Variants in LRRC37A2 observed in about 807,000 individuals in gnomAD.
The protein encoded by LRRC37A2 is leucine rich repeat containing 37 member A2.
Under a neutral mutation model 68.8 loss-of-function variants are expected in LRRC37A2, and 9 were observed. That is an observed-to-expected ratio of 0.13 (90% CI 0.08 to 0.23). The LOEUF (loss-of-function observed/expected upper bound fraction) is 0.23, where lower values mean the gene tolerates loss of function less well. LRRC37A2 is among the 10% of genes least tolerant of loss of function. LRRC37A2 has a pLI of 1.00. For missense variants in LRRC37A2, 168 were observed against 950.4 expected (o/e 0.18, Z 10.82); for synonymous variants, 63 against 367.6 (o/e 0.17, Z 9.48).
chr17:46,790,095 C>T, the LRRC37A2 span, among the ~76,000 whole-genome samples: 4 of 152,262 alleles, frequency 2.6e-5, no homozygotes, highest in African/African-American at 7.2e-5. Flanking sequence ...CATCCCCAGG[C>T]GAGGCAGTCC....
At chr17:47,008,737 C>T in the LRRC37A2 span, among the ~76,000 whole-genome samples, 1 of 152,054 alleles carries the variant, frequency 6.6e-6, no homozygotes, top group Non-Finnish European at 1.5e-5. Context: ...CTTGGCCTCC[C>T]AAAGTGCTGG....
the LRRC37A2 span, among the ~76,000 whole-genome samples, chr17:46,992,219 T>TAAATAAATAAATAAATAAA: frequency 1.3e-4 from 19 of 151,522 alleles, no homozygotes; most frequent in Non-Finnish European, 2.4e-4. Flanking sequence ...AATAAATAAA[T>TAAATAAATAAATAAATAAA]TAGCCAGGTG....
chr17:46,941,257 C>T, the LRRC37A2 span: 4 of 987,650 alleles, frequency 4.1e-6, no homozygotes, highest in African/African-American at 5.2e-5. Context: ...TCTGTACACC[C>T]TTTGCCCTGA....
the LRRC37A2 span, among the ~76,000 whole-genome samples, chr17:46,994,824 CA>C: frequency 0.7 from 106,273 of 151,680 alleles, 37,815 homozygotes; most frequent in Middle Eastern, 0.78. Context: ...CAAAACAAAA[CA>C]AAAAAAACAC....
chr17:46,868,917 C>T, the LRRC37A2 span, among the ~76,000 whole-genome samples: 2 of 152,156 alleles, frequency 1.3e-5, no homozygotes, highest in South Asian at 4.1e-4. Flanking sequence ...GAGCATGTGT[C>T]GGATAATTCA....
the LRRC37A2 span, among the ~76,000 whole-genome samples, chr17:46,871,578 A>G: frequency 6.6e-5 from 10 of 152,198 alleles, no homozygotes; most frequent in Non-Finnish European, 1.2e-4. Flanking sequence ...TGCTTGTCCC[A>G]GGCACTGTGG....
At chr17:47,019,457 A>C in the LRRC37A2 span, 564 of 1,605,574 alleles carry the variant, frequency 3.5e-4, 29 homozygotes, top group African/African-American at 6.1e-3. Context: ...GGCTTGCCAT[A>C]ACTCCAGAGC....
the LRRC37A2 span, among the ~76,000 whole-genome samples, chr17:46,896,434 GAA>G: frequency 1.9e-5 from 2 of 103,910 alleles, no homozygotes; most frequent in African/African-American, 7.6e-5. Context: ...AAGAAAGAAA[GAA>G]AGAAAGAAAG....
the LRRC37A2 span, among the ~76,000 whole-genome samples, chr17:46,771,598 G>C: frequency 6.8e-6 from 1 of 147,616 alleles, no homozygotes; most frequent in Non-Finnish European, 1.5e-5. Flanking sequence ...ATCCGCCTTT[G>C]TTCGCGCGGT....
At chr17:46,927,982 G>A in the LRRC37A2 span, among the ~76,000 whole-genome samples, 1 of 152,018 alleles carries the variant, frequency 6.6e-6, no homozygotes, top group African/African-American at 2.4e-5. Context: ...TTCTGTCCCC[G>A]TTACCCTCCG....
the LRRC37A2 span, among the ~76,000 whole-genome samples, chr17:47,011,923 C>A: frequency 6.6e-6 from 1 of 152,148 alleles, no homozygotes; most frequent in East Asian, 1.9e-4. Flanking sequence ...ATTTTGATTG[C>A]AAGATCAAAA....
chr17:47,024,767 A>G, the LRRC37A2 span: 3 of 783,488 alleles, frequency 3.8e-6, no homozygotes, highest in African/African-American at 5.1e-5. Context: ...TTAGTTAATT[A>G]TATTTATGAG....
At chr17:46,790,500 C>T in the LRRC37A2 span, among the ~76,000 whole-genome samples, 1 of 152,140 alleles carries the variant, frequency 6.6e-6, no homozygotes, top group Non-Finnish European at 1.5e-5. Context: ...ACAGACAGGG[C>T]TGGGGACCTG....
intron 6 of LRRC37A2, among the ~76,000 whole-genome samples, chr17:46,534,670 C>T (rs1159351721): frequency 1.3e-5 from 2 of 149,176 alleles, no homozygotes; most frequent in Admixed American, 6.6e-5. Context: ...TTCAACAAAA[C>T]CACCATCGTC....
chr17:46,995,816 A>C, the LRRC37A2 span, among the ~76,000 whole-genome samples: 1 of 152,226 alleles, frequency 6.6e-6, no homozygotes. Flanking sequence ...ACTGAATCCT[A>C]TCTGATACAG....
At chr17:46,775,422 A>G in the LRRC37A2 span, among the ~76,000 whole-genome samples, 1 of 152,222 alleles carries the variant, frequency 6.6e-6, no homozygotes, top group East Asian at 1.9e-4. Flanking sequence ...CATGCTACCC[A>G]TCCACCTTGG....
chr17:46,870,705 T>C, the LRRC37A2 span, among the ~76,000 whole-genome samples: 1 of 152,162 alleles, frequency 6.6e-6, no homozygotes, highest in African/African-American at 2.4e-5. Flanking sequence ...AGAGAGGGCA[T>C]GGCCTCCAGC....
the LRRC37A2 span, chr17:46,940,048 G>C: frequency 1.1e-5 from 12 of 1,069,264 alleles, no homozygotes; most frequent in Non-Finnish European, 1.4e-5. Flanking sequence ...TGCCCTACCT[G>C]CTCTGTTAGT....
At chr17:46,764,949 G>A in the LRRC37A2 span, among the ~76,000 whole-genome samples, 3 of 152,364 alleles carry the variant, frequency 2.0e-5, no homozygotes, top group Admixed American at 6.5e-5. Flanking sequence ...CTGGCCGAGG[G>A]CCCAGTCCCC....
Sources: gnomAD v4.1 joint callset for allele counts (sites outside exome capture counted in the v4.1 genomes callset) on GRCh38, gnomAD v4.1.1 for gene constraint, MANE v1.5 for transcripts, NCBI Gene and HGNC (gene_info 2026-07-23, HGNC 2026-07-21) for gene names.